The following CNTN5 variants were observed in gnomAD, a reference collection of about 807,000 sequenced individuals.
CNTN5 encodes contactin 5.
Under a neutral mutation model 129.1 loss-of-function variants are expected in CNTN5, and 77 were observed. That is an observed-to-expected ratio of 0.60 (90% CI 0.50 to 0.72). CNTN5 has a LOEUF of 0.72. Among genes scored for constraint, CNTN5 ranks in the 30% least tolerant of loss-of-function variants. The pLI is 0.00. For missense variants in CNTN5, 1,478 were observed against 1,328.8 expected (o/e 1.11, Z -1.75); for synonymous variants, 509 against 465.6 (o/e 1.09, Z -1.20).
intron 7 of CNTN5, among the ~76,000 whole-genome samples, chr11:99,947,223 GAACTC>G (rs1950572138): frequency 7.4e-6 from 1 of 134,998 alleles, no homozygotes; most frequent in African/African-American, 2.8e-5. Context: ...TTTTGAAAAA[GAACTC>G]AACTAAAAAA....
At chr11:99,608,614 T>C (rs1950503920) in intron 3 of CNTN5, among the ~76,000 whole-genome samples, 1 of 152,158 alleles carries the variant, frequency 6.6e-6, no homozygotes, top group Admixed American at 6.6e-5. Context: ...GAGATTAACA[T>C]AGTCATCTAC....
chr11:99,944,732 G>A lies in CNTN5; in HGVS notation c.674-12074G>A, dbSNP rs542297028. Among the ~76,000 whole-genome samples the A allele has an allele frequency of 5.3e-5, 8 of 152,126 alleles. No individual in the cohort carries two copies. In the East Asian group the frequency reaches 1.6e-3, roughly 30 times the overall value. On this transcript the variant is annotated intron_variant, in intron 7 of 24. Transcript: ENST00000524871. ...TATACACCAATAATAGACAAGCAGA[G>A]AGCCAAATCATGAGTGAACTCCCAT... is the stretch of plus-strand genomic sequence containing the variant.
chr11:99,904,933 A>G (rs1949457255), intron 6 of CNTN5, among the ~76,000 whole-genome samples: 1 of 152,208 alleles, frequency 6.6e-6, no homozygotes, highest in Non-Finnish European at 1.5e-5. Context: ...GGCTGCATAA[A>G]TGTCTTCTTT....
chr11:99,881,416 T>C lies in CNTN5; in HGVS notation c.578-34638T>C, dbSNP rs888427508. On this transcript the variant is annotated intron_variant, in intron 6 of 24. Coordinates refer to ENST00000524871, the MANE Select transcript of CNTN5 (RefSeq NM_014361.4). Reference sequence around the variant, plus strand: ...AAATGATTTATGTAAGTGATATTTATGATTTTACATGGGGAATGTATGGTA... The same window carrying C: ...AAATGATTTATGTAAGTGATATTTACGATTTTACATGGGGAATGTATGGTA... Among the ~76,000 whole-genome samples, 9 of 152,368 alleles carry C rather than the reference T, an allele frequency of 5.9e-5. No individual in the cohort carries two copies. In the East Asian group the frequency reaches 1.7e-3, roughly 29 times the overall value.
intron 18 of CNTN5, among the ~76,000 whole-genome samples, chr11:100,273,153 C>T (rs1224640810): frequency 2.0e-5 from 3 of 152,140 alleles, no homozygotes; most frequent in African/African-American, 4.8e-5. Flanking sequence ...AGGGCGCCCT[C>T]GGGAGCCTTG....
chr11:100,158,795 T>G (rs1258852163), intron 13 of CNTN5, among the ~76,000 whole-genome samples: 1 of 151,880 alleles, frequency 6.6e-6, no homozygotes, highest in Non-Finnish European at 1.5e-5. Flanking sequence ...TCCAAGGATA[T>G]GAATACCCAA....
At chr11:99,997,105 G>T (rs553862090) in intron 8 of CNTN5, among the ~76,000 whole-genome samples, 1 of 152,232 alleles carries the variant, frequency 6.6e-6, no homozygotes, top group South Asian at 2.1e-4. Flanking sequence ...ATTTTTGATT[G>T]CGTCTATTTG....
chr11:99,962,345 C>A (rs543696006), intron 8 of CNTN5, among the ~76,000 whole-genome samples: 2 of 144,488 alleles, frequency 1.4e-5, no homozygotes, highest in South Asian at 4.6e-4. Context: ...GTGAGATGTA[C>A]CCCGTCCTGT....
chr11:99,418,977 C>T (rs570871151), intron 2 of CNTN5, among the ~76,000 whole-genome samples: 3 of 152,240 alleles, frequency 2.0e-5, no homozygotes, highest in South Asian at 4.1e-4. Context: ...TGGCAGTTTG[C>T]TATGCCTTCT....
At chr11:100,049,373 C>T (rs926895836) in intron 9 of CNTN5, among the ~76,000 whole-genome samples, 1 of 151,346 alleles carries the variant, frequency 6.6e-6, no homozygotes, top group Non-Finnish European at 1.5e-5. Context: ...GCACAAAAAA[C>T]AAAAGGCTGT....
intron 1 of CNTN5, among the ~76,000 whole-genome samples, chr11:99,076,608 G>T (rs545400713): frequency 1.6e-4 from 25 of 152,088 alleles, no homozygotes; most frequent in African/African-American, 6.0e-4. Flanking sequence ...TTAAAAAATA[G>T]ATTAAAAGTT....
At chr11:100,297,438 GA>G (rs34145321) in intron 18 of CNTN5, among the ~76,000 whole-genome samples, 186 bp from the exon 19 acceptor site, 4 of 150,368 alleles carry the variant, frequency 2.7e-5, no homozygotes, top group South Asian at 2.1e-4. Flanking sequence ...AAGTGGTCAT[GA>G]AAAAAAAAGT....
At chr11:100,324,499 T>G (rs1170170483) in intron 21 of CNTN5, among the ~76,000 whole-genome samples, 1 of 152,172 alleles carries the variant, frequency 6.6e-6, no homozygotes, top group Non-Finnish European at 1.5e-5. Flanking sequence ...TAAAATTTCT[T>G]TTCTCAATTT....
At chr11:99,284,651 GTGTGTGTGTGGT>G (rs1198109698) in intron 1 of CNTN5, among the ~76,000 whole-genome samples, 1 of 111,802 alleles carries the variant, frequency 8.9e-6, no homozygotes, top group African/African-American at 3.3e-5. Context: ...GTGTGTGTGT[GTGTGTGTGTGGT>G]GTGTGTATGA....
At chr11:99,871,122 T>C (rs1296526242) in intron 6 of CNTN5, among the ~76,000 whole-genome samples, 1 of 152,070 alleles carries the variant, frequency 6.6e-6, no homozygotes, top group Non-Finnish European at 1.5e-5. Flanking sequence ...CACAGTTACA[T>C]GTTATTACTA....
intron 2 of CNTN5, among the ~76,000 whole-genome samples, chr11:99,421,356 C>T (rs1942881002): frequency 6.6e-6 from 1 of 152,110 alleles, no homozygotes; most frequent in South Asian, 2.1e-4. Context: ...TCTAATTTCA[C>T]TCTAAAGAGG....
chr11:100,142,537 T>C (rs1165675802), intron 13 of CNTN5, among the ~76,000 whole-genome samples: 3 of 152,208 alleles, frequency 2.0e-5, no homozygotes, highest in Admixed American at 6.5e-5. Flanking sequence ...TGTGACAGGT[T>C]GCAATCAAAA....
chr11:99,458,061 A>G (rs1372883719), intron 2 of CNTN5, among the ~76,000 whole-genome samples: 1 of 151,910 alleles, frequency 6.6e-6, no homozygotes, highest in Non-Finnish European at 1.5e-5. Context: ...AAAACTATAT[A>G]CATTTATATT....
intron 4 of CNTN5, among the ~76,000 whole-genome samples, chr11:99,840,584 G>T (rs553235776): frequency 6.6e-6 from 1 of 151,964 alleles, no homozygotes; most frequent in Admixed American, 6.6e-5. Flanking sequence ...GACGTTGTAT[G>T]TTCAGCCAAC....
Sources: gnomAD v4.1 joint callset for allele counts (sites outside exome capture counted in the v4.1 genomes callset) on GRCh38, gnomAD v4.1.1 for gene constraint, MANE v1.5 for transcripts, NCBI Gene and HGNC (gene_info 2026-07-23, HGNC 2026-07-21) for gene names.